The following ANKRD28 variants were observed in gnomAD, a reference collection of about 807,000 sequenced individuals.
The protein encoded by ANKRD28 is ankyrin repeat domain 28.
A neutral mutation model predicts 126.5 loss-of-function variants in ANKRD28; 44 were observed. The ratio of observed to expected loss-of-function variants is 0.35; its 90% CI spans 0.27 to 0.45. The LOEUF (loss-of-function observed/expected upper bound fraction) is 0.45, where lower values mean the gene tolerates loss of function less well. ANKRD28 is among the 20% of genes least tolerant of loss of function. ANKRD28 has a pLI of 1.00. For missense variants in ANKRD28, 1,110 were observed against 1,316.6 expected (o/e 0.84, Z 2.43); for synonymous variants, 442 against 468.5 (o/e 0.94, Z 0.73).
chr3:15,776,407 TG>T (rs1440447379), intron 2 of ANKRD28, among the ~76,000 whole-genome samples: 1 of 152,228 alleles, frequency 6.6e-6, no homozygotes, highest in East Asian at 1.9e-4. Flanking sequence ...TAAACTGTGT[TG>T]GATGCATTCA....
intron 1 of ANKRD28, among the ~76,000 whole-genome samples, chr3:15,825,541 T>A (rs769239349): frequency 1.3e-5 from 2 of 151,774 alleles, no homozygotes; most frequent in African/African-American, 4.8e-5. Flanking sequence ...GGAAAAAAAA[T>A]TTGCAAATTT....
intron 20 of ANKRD28, 113 bp downstream of exon 20, chr3:15,685,889 A>G: frequency 1.3e-6 from 1 of 796,242 alleles, no homozygotes; most frequent in South Asian, 1.9e-5. Context: ...AAGAAATGGT[A>G]AAGACTATTT....
At chr3:15,695,921 C>T (rs2069478244) in intron 15 of ANKRD28, among the ~76,000 whole-genome samples, 1 of 151,936 alleles carries the variant, frequency 6.6e-6, no homozygotes, top group East Asian at 1.9e-4. Flanking sequence ...TAATCAGTAG[C>T]CCTCTTCAGA....
chr3:15,767,372 T>C (rs959946708), intron 2 of ANKRD28, among the ~76,000 whole-genome samples: 1 of 152,152 alleles, frequency 6.6e-6, no homozygotes, highest in East Asian at 1.9e-4. Flanking sequence ...ATAAAGGCTT[T>C]TGTGACAGAT....
At chr3:15,710,080 G>A (rs1336133246) in intron 12 of ANKRD28, among the ~76,000 whole-genome samples, 1 of 151,334 alleles carries the variant, frequency 6.6e-6, no homozygotes, top group South Asian at 2.1e-4. Flanking sequence ...TATAGTTTAG[G>A]CTAGAGTCCA....
chr3:15,807,808 G>C lies in ANKRD28; in HGVS notation c.28-12502C>G, dbSNP rs1322991609. Among the ~76,000 whole-genome samples the C allele has an allele frequency of 2.0e-5, 3 of 152,170 alleles. No homozygotes were observed. In the East Asian group the frequency reaches 5.8e-4, roughly 29 times the overall value. ...CTGTGAAGACAATTACACAGTTTTA[G>C]AGATAAGCTAAATCGATGAATAATA... On this transcript the variant is annotated intron_variant, in intron 1 of 27. Transcript: ENST00000399451.
At chr3:15,792,442 T>C (rs1297484592) in intron 2 of ANKRD28, among the ~76,000 whole-genome samples, 2 of 152,158 alleles carry the variant, frequency 1.3e-5, no homozygotes, top group Non-Finnish European at 2.9e-5. Context: ...GAGATCATTA[T>C]GTTAACCGAA....
chr3:15,775,620 T>C (rs1187001529), intron 2 of ANKRD28, among the ~76,000 whole-genome samples: 1 of 152,224 alleles, frequency 6.6e-6, no homozygotes, highest in African/African-American at 2.4e-5. Context: ...GGAGCTCAAA[T>C]AATTCTGGGA....
rs1252084030 is a variant in ANKRD28, at chr3:15,843,774, A to AT, written c.27+15602_27+15603insA. 5.8e-4 allele frequency among the ~76,000 whole-genome samples: 9 copies of AT among 15,466 alleles called. No homozygotes were observed. The highest frequency in any genetic ancestry group is 1.3e-3 in the African/African-American group (9 of 7,198). The allele number at this position is 15,466 out of a possible 152,430, so 10.1% of individuals were successfully genotyped here. On this transcript the variant is annotated intron_variant, in intron 1 of 27. Transcript: ENST00000399451. The surrounding 1 kb of genome is among the most constrained non-coding windows in gnomAD (Gnocchi z 5.2). Reference sequence around the variant, plus strand: ...AGGCCAGTTTGAGCCAAAAATAATAAAAAAAAAAAAGAGGCAGAAATCAAA... The same window carrying AT: ...AGGCCAGTTTGAGCCAAAAATAATAATAAAAAAAAAAGAGGCAGAAATCAAA...
chr3:15,711,169 C>T (rs2072221175), intron 12 of ANKRD28, 42 bp downstream of exon 12: 2 of 1,492,648 alleles, frequency 1.3e-6, no homozygotes, highest in Non-Finnish European at 1.8e-6. Context: ...CTGCCATGAC[C>T]AGCTATCTTT....
intron 2 of ANKRD28, among the ~76,000 whole-genome samples, chr3:15,783,070 A>C (rs764799150): frequency 6.6e-6 from 1 of 152,068 alleles, no homozygotes; most frequent in Non-Finnish European, 1.5e-5. Flanking sequence ...GAGATCCATA[A>C]AAGAATTGAT....
At chr3:15,781,689 A>G (rs2059545593) in intron 2 of ANKRD28, 2 of 152,190 alleles carry the variant, frequency 1.3e-5, no homozygotes, top group South Asian at 4.1e-4. Context: ...ATTTCACAAA[A>G]TATGTAATGT....
intron 1 of ANKRD28, among the ~76,000 whole-genome samples, chr3:15,821,691 G>T (rs2060944611): frequency 6.6e-6 from 1 of 152,144 alleles, no homozygotes; most frequent in African/African-American, 2.4e-5. Context: ...ATAGGAAAAC[G>T]CTGTGGAATT....
chr3:15,826,844 T>C (rs1559577931), intron 1 of ANKRD28, among the ~76,000 whole-genome samples: 1 of 152,158 alleles, frequency 6.6e-6, no homozygotes, highest in Non-Finnish European at 1.5e-5. Flanking sequence ...ACTAAAGCCA[T>C]GAAAGTGCAA....
chr3:15,808,080 C>G (rs149262177), intron 1 of ANKRD28, among the ~76,000 whole-genome samples: 215 of 152,276 alleles, frequency 1.4e-3, no homozygotes, highest in Non-Finnish European at 2.7e-3. Flanking sequence ...CACTGGAAAT[C>G]ACAAGGCTAA....
chr3:15,743,593 C>CAT (rs71064221), intron 4 of ANKRD28, among the ~76,000 whole-genome samples: 38 of 141,826 alleles, frequency 2.7e-4, no homozygotes, highest in South Asian at 6.9e-4. Context: ...CACACACACA[C>CAT]GCACACCAAA....
At position 15,676,428 on chromosome 3, in the gene ANKRD28, C is replaced by T. The variant is rs1049354271; in HGVS notation, c.2874-439G>A. On this transcript the variant is annotated intron_variant, in intron 26 of 27. Coordinates refer to ENST00000683139, the MANE Select transcript of ANKRD28 (RefSeq NM_001349278.2). ...CAAGCATCATGACTAATTTTTGGACCTTCAAGGGATCTGACTAATCCCAGA... is the reference window on the plus strand; with the variant it reads ...CAAGCATCATGACTAATTTTTGGACTTTCAAGGGATCTGACTAATCCCAGA... Among the ~76,000 whole-genome samples the T allele has an allele frequency of 2.2e-4, 34 of 152,284 alleles. 5 individuals carry two copies. The highest frequency in any genetic ancestry group is 9.8e-4 in the Admixed American group (15 of 15,288).
chr3:15,737,053 C>T lies in ANKRD28; in HGVS notation c.532G>A (p.Ala178Thr), dbSNP rs1336788453. The change falls in exon 5 of 28, where the codon GCT (alanine) becomes ACT (threonine). Residue 178 changes from alanine to threonine, a missense_variant. Physicochemically the swap from Ala to Thr is moderately conservative, Grantham distance 58 (BLOSUM62 0). Transcript: ENST00000683139. The stretch of plus-strand genomic sequence containing the variant: ...CCTACCTCACCATGTCCACTGAAAG[C>T]TGCATGATGTAATGCAGTCCTCCCT... ...RAGRTALHHAAFSGHGEMVKL... is the reference protein window; with the variant it reads ...RAGRTALHHATFSGHGEMVKL... 11 of 1,613,864 alleles carry T rather than the reference C, an allele frequency of 6.8e-6. No homozygotes were observed. The highest frequency in any genetic ancestry group is 7.6e-6 in the Non-Finnish European group (9 of 1,179,888).
chr3:15,700,338 C>CTA (rs961444727), intron 14 of ANKRD28, among the ~76,000 whole-genome samples: 7 of 151,836 alleles, frequency 4.6e-5, no homozygotes, highest in African/African-American at 1.7e-4. Context: ...GGATAAATAC[C>CTA]TAATGTAAAT....
Sources: gnomAD v4.1 joint callset for allele counts (sites outside exome capture counted in the v4.1 genomes callset) on GRCh38, gnomAD v4.1.1 for gene constraint, Gnocchi (gnomAD v3.1) non-coding constraint, MANE v1.5 for transcripts, NCBI Gene and HGNC (gene_info 2026-07-23, HGNC 2026-07-21) for gene names.